The following DZANK1 variants were observed in gnomAD, a reference collection of about 807,000 sequenced individuals.
DZANK1 encodes double zinc ribbon and ankyrin repeat-containing protein 1.
A neutral mutation model predicts 94.5 loss-of-function variants in DZANK1; 91 were observed. The observed-to-expected ratio is 0.96, with a 90% CI of 0.81 to 1.15. The LOEUF is 1.15. Among genes scored for constraint, DZANK1 ranks in the 50% most tolerant of loss-of-function variants. The pLI, the probability that DZANK1 is intolerant of heterozygous loss-of-function variation, is 0.00. For missense variants in DZANK1, 903 were observed against 916.4 expected (o/e 0.99, Z 0.19); for synonymous variants, 312 against 325.3 (o/e 0.96, Z 0.44).
chr20:18,436,505 A>G lies in DZANK1; in HGVS notation c.748-2740T>C, dbSNP rs77621516. Among the ~76,000 whole-genome samples, 1,297 of 152,168 alleles carry G rather than the reference A, an allele frequency of 8.5e-3. 13 individuals carry two copies. Among genetic ancestry groups the G allele is most frequent in the South Asian group, 0.023 (112 of 4,824 alleles). Reference sequence around the variant, plus strand: ...AGCAGATCGCATAACAGAAGAAAGAATCAGTGAACTTGAACAAATAGCTCA... The same window carrying G: ...AGCAGATCGCATAACAGAAGAAAGAGTCAGTGAACTTGAACAAATAGCTCA... On this transcript the variant is annotated intron_variant, in intron 8 of 20. Coordinates refer to ENST00000262547, the Ensembl canonical transcript of DZANK1.
intron 10 of DZANK1, among the ~76,000 whole-genome samples, chr20:18,425,039 A>G (rs2057976664): frequency 6.6e-6 from 1 of 152,220 alleles, no homozygotes; most frequent in Admixed American, 6.5e-5. Context: ...GCTCAACTAG[A>G]AAGAAGAATG....
At chr20:18,452,427 C>T (rs1433642386) in intron 6 of DZANK1, among the ~76,000 whole-genome samples, 188 bp downstream of exon 6, 1 of 152,128 alleles carries the variant, frequency 6.6e-6, no homozygotes, top group Non-Finnish European at 1.5e-5. Context: ...TGTGTCTGCC[C>T]CCAAGCCCAA....
intron 13 of DZANK1, among the ~76,000 whole-genome samples, chr20:18,409,441 C>G (rs1328307500): frequency 6.6e-6 from 1 of 151,978 alleles, no homozygotes; most frequent in Non-Finnish European, 1.5e-5. Context: ...AATCTTATAG[C>G]TAGTAGAGTT....
At chr20:18,458,893 T>G (rs150289023) in intron 3 of DZANK1, among the ~76,000 whole-genome samples, 2 of 152,198 alleles carry the variant, frequency 1.3e-5, no homozygotes, top group Admixed American at 6.5e-5. Context: ...ACCTTTTGAG[T>G]TGAAAACTCA....
chr20:18,397,013 G>A (rs1289526595), intron 14 of DZANK1, among the ~76,000 whole-genome samples: 1 of 152,166 alleles, frequency 6.6e-6, no homozygotes, highest in Non-Finnish European at 1.5e-5. Context: ...GACAAGAAAT[G>A]TTTTCATGAA....
chr20:18,411,732 C>T (rs1215776953), intron 13 of DZANK1, among the ~76,000 whole-genome samples: 2 of 152,170 alleles, frequency 1.3e-5, no homozygotes, highest in African/African-American at 2.4e-5. Context: ...TGTCTTAGTC[C>T]ATTTGTGCTG....
intron 13 of DZANK1, among the ~76,000 whole-genome samples, chr20:18,408,764 G>C (rs542440083): frequency 1.3e-5 from 2 of 152,286 alleles, no homozygotes; most frequent in Admixed American, 6.5e-5. Context: ...AAATGCTAAA[G>C]GGAGTTATTC....
intron 8 of DZANK1, among the ~76,000 whole-genome samples, chr20:18,434,545 C>CAA (rs55680576): frequency 2.8e-3 from 130 of 47,084 alleles, no homozygotes; most frequent in Middle Eastern, 0.014. Flanking sequence ...GACTCCTGCT[C>CAA]AAAAAAAAAA....
rs748425928 is a variant in DZANK1 at position 18,433,733 on chromosome 20, T to C, written c.780A>G (p.Val260=). 3.7e-6 allele frequency: 6 copies of C among 1,614,050 alleles called. No homozygotes were observed. In the Admixed American group the frequency reaches 1.0e-4, roughly 27 times the overall value. Residue 260 remains valine, a synonymous_variant, in exon 9 of 21, where the codon GTA becomes GTG. Transcript: ENST00000262547. ...CCACACAGATGGGAGTGTTCATGGG[T>C]ACCAAGCTTCTGCATTCTGCACACA...
At chr20:18,450,363 CA>C (rs59333298) in intron 6 of DZANK1, among the ~76,000 whole-genome samples, 1 of 152,142 alleles carries the variant, frequency 6.6e-6, no homozygotes, top group South Asian at 2.1e-4. Context: ...ATAGTCTGGG[CA>C]ACATAGTGAA....
intron 13 of DZANK1, among the ~76,000 whole-genome samples, chr20:18,406,430 T>C (rs1037355217): frequency 2.0e-5 from 3 of 152,314 alleles, no homozygotes; most frequent in African/African-American, 7.2e-5. Context: ...CAGCTGACAT[T>C]TCTAGGCAAA....
chr20:18,405,449 C>G (rs143282053), intron 13 of DZANK1, among the ~76,000 whole-genome samples: 1 of 151,896 alleles, frequency 6.6e-6, no homozygotes, highest in Non-Finnish European at 1.5e-5. Flanking sequence ...ATGAACAGAG[C>G]CTAAGAGACC....
chr20:18,433,517 G>A (rs1454205985), intron 9 of DZANK1, 135 bp downstream of exon 9: 2 of 718,196 alleles, frequency 2.8e-6, no homozygotes, highest in Non-Finnish European at 4.6e-6. Context: ...ACTCCAGCCT[G>A]TGTGACAGAA....
intron 12 of DZANK1, among the ~76,000 whole-genome samples, chr20:18,413,823 C>T (rs1214841105): frequency 6.6e-6 from 1 of 151,912 alleles, no homozygotes; most frequent in Non-Finnish European, 1.5e-5. Context: ...ATACAAAGTG[C>T]TGAGTGTATC....
exon 3 of DZANK1, chr20:18,460,300 G>T: frequency 6.6e-7 from 1 of 1,525,786 alleles, no homozygotes; most frequent in South Asian, 1.3e-5. Flanking sequence ...GTTGACATCT[G>T]GAGTGTCTGA....
chr20:18,397,136 T>C (rs2056387892), intron 14 of DZANK1, among the ~76,000 whole-genome samples: 1 of 152,212 alleles, frequency 6.6e-6, no homozygotes, highest in Non-Finnish European at 1.5e-5. Context: ...GCAGCTGTGA[T>C]CCAATAAAAT....
intron 13 of DZANK1, among the ~76,000 whole-genome samples, chr20:18,399,624 T>A (rs2056563322): frequency 6.6e-6 from 1 of 152,250 alleles, no homozygotes; most frequent in African/African-American, 2.4e-5. Context: ...AAAAGTTCTC[T>A]TGGGTCCCTT....
At chr20:18,400,859 A>G (rs1007216858) in intron 13 of DZANK1, among the ~76,000 whole-genome samples, 1 of 152,256 alleles carries the variant, frequency 6.6e-6, no homozygotes, top group Admixed American at 6.5e-5. Context: ...GACACAGATA[A>G]TATGAAAATA....
intron 8 of DZANK1, among the ~76,000 whole-genome samples, chr20:18,439,077 G>A (rs895177238): frequency 6.6e-6 from 1 of 152,192 alleles, no homozygotes; most frequent in Non-Finnish European, 1.5e-5. Flanking sequence ...CAGAGTTGAG[G>A]TTAAGGTTCC....
Sources: allele counts gnomAD v4.1 joint callset (sites outside exome capture counted in the v4.1 genomes callset), GRCh38; gene constraint gnomAD v4.1.1; transcripts MANE v1.5; gene names NCBI Gene and HGNC (gene_info 2026-07-23, HGNC 2026-07-21).